The following PTPRG variants were observed in gnomAD, a reference collection of about 807,000 sequenced individuals.
The protein encoded by PTPRG is receptor-type tyrosine-protein phosphatase gamma.
Under a neutral mutation model 165.3 loss-of-function variants are expected in PTPRG, and 102 were observed. The ratio of observed to expected loss-of-function variants is 0.62; its 90% CI spans 0.53 to 0.73. The LOEUF (loss-of-function observed/expected upper bound fraction) is 0.73, where lower values mean the gene tolerates loss of function less well. Among genes scored for constraint, PTPRG ranks in the 30% least tolerant of loss-of-function variants. PTPRG has a pLI of 0.00. For synonymous variants in PTPRG, 675 were observed against 669.5 expected (o/e 1.01, Z -0.13); for missense variants, 1,866 against 1,861.4 (o/e 1.00, Z -0.05).
chr3:61,801,871 C>T lies in PTPRG; in HGVS notation c.190+52889C>T, dbSNP rs186521842. Among the ~76,000 whole-genome samples, 357 of 152,038 alleles carry T rather than the reference C, an allele frequency of 2.3e-3. 2 individuals are homozygous for T. Among genetic ancestry groups the T allele is most frequent in the African/African-American group, 7.5e-3 (311 of 41,500 alleles). On this transcript the variant is annotated intron_variant, in intron 2 of 29. Transcript: ENST00000474889. ...CGGCTCTACTAAAAATACACACACA[C>T]AAAATTAGCTGGCCGTGGTGGCGTG...
At chr3:61,596,557 T>C (rs1700705185) in intron 1 of PTPRG, among the ~76,000 whole-genome samples, 1 of 152,146 alleles carries the variant, frequency 6.6e-6, no homozygotes, top group Non-Finnish European at 1.5e-5. Flanking sequence ...TAAAGCAAGC[T>C]ATTTGTTTTT....
chr3:61,883,370 A>T (rs1004772798), intron 2 of PTPRG, among the ~76,000 whole-genome samples: 2 of 151,968 alleles, frequency 1.3e-5, no homozygotes, highest in Non-Finnish European at 2.9e-5. Context: ...GTGGTTCTCC[A>T]CCTGGGGTCT....
At chr3:61,721,687 A>G (rs2032052243) in intron 1 of PTPRG, among the ~76,000 whole-genome samples, 1 of 152,034 alleles carries the variant, frequency 6.6e-6, no homozygotes, top group African/African-American at 2.4e-5. Flanking sequence ...TTCCCTTAAA[A>G]TCCATAGAGG....
At chr3:61,824,565 C>T (rs1407018121) in intron 2 of PTPRG, among the ~76,000 whole-genome samples, 1 of 152,170 alleles carries the variant, frequency 6.6e-6, no homozygotes, top group Non-Finnish European at 1.5e-5. Flanking sequence ...TATGGTGGCT[C>T]ACGCCTGTAA....
intron 2 of PTPRG, among the ~76,000 whole-genome samples, chr3:61,864,963 C>G (rs780215218): frequency 1.8e-4 from 27 of 152,182 alleles, no homozygotes; most frequent in Non-Finnish European, 3.4e-4. Flanking sequence ...ATGCCACTGT[C>G]ATGGGGTCAC....
At chr3:61,661,675 C>G (rs558116902) in intron 1 of PTPRG, among the ~76,000 whole-genome samples, 11 of 152,150 alleles carry the variant, frequency 7.2e-5, no homozygotes, top group Middle Eastern at 3.4e-3. Flanking sequence ...TTGTTTGTTT[C>G]TTAATCACTT....
intron 1 of PTPRG, among the ~76,000 whole-genome samples, chr3:61,628,421 T>C (rs1188462826): frequency 6.6e-6 from 1 of 152,098 alleles, no homozygotes; most frequent in Non-Finnish European, 1.5e-5. Context: ...GTTCAAGTGA[T>C]TCTCCTGCCT....
intron 2 of PTPRG, 66 bp from the exon 3 acceptor site, chr3:61,989,559 A>C (rs2040834616): frequency 4.0e-6 from 6 of 1,487,700 alleles, no homozygotes; most frequent in Non-Finnish European, 5.5e-6. Flanking sequence ...TCAGCTTCCT[A>C]AGATTTATTC....
At chr3:61,813,059 G>C (rs1044060332) in intron 2 of PTPRG, among the ~76,000 whole-genome samples, 1 of 152,096 alleles carries the variant, frequency 6.6e-6, no homozygotes. Context: ...GGGAAAGACT[G>C]TTGTATTTGA....
intron 1 of PTPRG, among the ~76,000 whole-genome samples, chr3:61,659,057 C>T (rs936905118): frequency 6.6e-6 from 1 of 152,136 alleles, no homozygotes; most frequent in Non-Finnish European, 1.5e-5. Flanking sequence ...GCCCCTGCCC[C>T]TGCCCCTGTT....
At chr3:61,856,505 C>G (rs2037110192) in intron 2 of PTPRG, among the ~76,000 whole-genome samples, 1 of 152,208 alleles carries the variant, frequency 6.6e-6, no homozygotes, top group Admixed American at 6.5e-5. Flanking sequence ...TTTGCCATCT[C>G]AACCTTGGTT....
chr3:62,195,303 G>A lies in PTPRG; in HGVS notation c.1327+133G>A. On this transcript the variant is annotated intron_variant, in intron 10 of 29. Transcript: ENST00000474889. This position sits in a 1 kb window ranked among gnomAD's most constrained non-coding sequence, Gnocchi z 4.4. Reference sequence around the variant, plus strand: ...AGAAGAATCAGTGTAGGGTTTTAAAGCCTATGCGGGAAGCCCTAGTAATTT... The same window carrying A: ...AGAAGAATCAGTGTAGGGTTTTAAAACCTATGCGGGAAGCCCTAGTAATTT... 1.3e-6 allele frequency: 1 copy of A among 768,282 alleles called. No individual in the cohort carries two copies. Among genetic ancestry groups the A allele is most frequent in the Non-Finnish European group, 2.1e-6 (1 of 475,058 alleles). The allele number at this position is 768,282 out of a possible 1,614,324, so 47.6% of individuals were successfully genotyped here.
chr3:61,867,143 G>T (rs1212935063), intron 2 of PTPRG, among the ~76,000 whole-genome samples: 1 of 152,144 alleles, frequency 6.6e-6, no homozygotes, highest in Non-Finnish European at 1.5e-5. Flanking sequence ...TTTTCTTGTC[G>T]CTATGATTCA....
chr3:62,177,576 G>A (rs1453896671), intron 8 of PTPRG, among the ~76,000 whole-genome samples: 1 of 152,144 alleles, frequency 6.6e-6, no homozygotes, highest in Non-Finnish European at 1.5e-5. Flanking sequence ...CTGATGAAAT[G>A]TATAATCCTT....
intron 2 of PTPRG, among the ~76,000 whole-genome samples, chr3:61,921,430 C>T (rs766131710): frequency 6.6e-6 from 1 of 151,948 alleles, no homozygotes; most frequent in Non-Finnish European, 1.5e-5. Context: ...ACAGGTTAAG[C>T]GTCCCTAATC....
intron 2 of PTPRG, among the ~76,000 whole-genome samples, chr3:61,972,066 G>A (rs1041119049): frequency 3.3e-5 from 5 of 152,260 alleles, no homozygotes; most frequent in African/African-American, 1.2e-4. Flanking sequence ...GAAGGTGTGC[G>A]CTACAAAGCA....
chr3:61,933,032 T>C (rs748892269), intron 2 of PTPRG, among the ~76,000 whole-genome samples: 7 of 152,146 alleles, frequency 4.6e-5, no homozygotes, highest in Non-Finnish European at 8.8e-5. Flanking sequence ...GAATTTGTGG[T>C]CAGACAAGCA....
intron 2 of PTPRG, among the ~76,000 whole-genome samples, chr3:61,921,280 T>A (rs1180803984): frequency 3.3e-5 from 5 of 152,176 alleles, no homozygotes; most frequent in Non-Finnish European, 7.3e-5. Context: ...TAAATCTTGT[T>A]GAAGAGCTGT....
chr3:61,568,392 A>G (rs1699974394), intron 1 of PTPRG, among the ~76,000 whole-genome samples: 1 of 152,142 alleles, frequency 6.6e-6, no homozygotes, highest in African/African-American at 2.4e-5. Flanking sequence ...TGTTAGGTAT[A>G]AGTGATGGCT....
Sources: allele counts gnomAD v4.1 joint callset (sites outside exome capture counted in the v4.1 genomes callset), GRCh38; gene constraint gnomAD v4.1.1; non-coding constraint Gnocchi (gnomAD v3.1); transcripts MANE v1.5; gene names NCBI Gene and HGNC (gene_info 2026-07-23, HGNC 2026-07-21).